The following JARID2 variants were observed in gnomAD, a reference collection of about 807,000 sequenced individuals.
JARID2 encodes the protein jumonji and AT-rich interaction domain containing 2.
In JARID2, 21 loss-of-function variants were observed where a neutral mutation model predicts 125.6. That is an observed-to-expected ratio of 0.17 (90% CI 0.12 to 0.24). The LOEUF is 0.24. JARID2 is among the 10% of genes least tolerant of loss of function. JARID2 has a pLI of 1.00. For missense variants in JARID2, 1,303 were observed against 1,639.6 expected (o/e 0.79, Z 3.55); for synonymous variants, 736 against 661.6 (o/e 1.11, Z -1.73).
At chr6:15,514,304 G>C (rs953889126) in intron 16 of JARID2, among the ~76,000 whole-genome samples, 10 of 152,240 alleles carry the variant, frequency 6.6e-5, no homozygotes, top group African/African-American at 1.4e-4. Context: ...GCCTGGAACA[G>C]AGAGCATGCC....
chr6:15,466,763 G>GA lies in JARID2; in HGVS notation c.494-1778dup, dbSNP rs538343458. Among the ~76,000 whole-genome samples, 971 of 152,242 alleles carry GA rather than the reference G, an allele frequency of 6.4e-3. 14 individuals carry two copies. The highest frequency in any genetic ancestry group is 0.022 in the African/African-American group (914 of 41,520). On this transcript the variant is annotated intron_variant, in intron 4 of 17. Transcript: ENST00000341776. The stretch of plus-strand genomic sequence containing the variant: ...TACCAATTGTAAAACCATTTAGATT[G>GA]AGTATATATTTTGGTCCAGTGGAAA...
chr6:15,468,894 G>C (rs2127676426), intron 5 of JARID2, among the ~76,000 whole-genome samples, 176 bp downstream of exon 5: 1 of 152,276 alleles, frequency 6.6e-6, no homozygotes, highest in African/African-American at 2.4e-5. Flanking sequence ...AGTCCAGGGT[G>C]TTCTAGGTGA....
At chr6:15,268,951 G>A (rs1469524532) in intron 1 of JARID2, among the ~76,000 whole-genome samples, 2 of 152,182 alleles carry the variant, frequency 1.3e-5, no homozygotes, top group African/African-American at 2.4e-5. Context: ...TTAAAGTCAG[G>A]CGTGTGCGTG....
At chr6:15,414,298 T>C (rs887221503) in intron 3 of JARID2, among the ~76,000 whole-genome samples, 3 of 152,210 alleles carry the variant, frequency 2.0e-5, no homozygotes, top group Non-Finnish European at 4.4e-5. Context: ...TAACATGTTT[T>C]AATTCTTCAG....
intron 1 of JARID2, among the ~76,000 whole-genome samples, chr6:15,367,263 T>A (rs1275694361): frequency 6.6e-6 from 1 of 152,242 alleles, no homozygotes; most frequent in Non-Finnish European, 1.5e-5. Context: ...GTGTTTTCCT[T>A]TAACCCATGC....
At chr6:15,311,854 T>C (rs3954) in intron 1 of JARID2, among the ~76,000 whole-genome samples, 31,128 of 152,000 alleles carry the variant, frequency 0.2, 3,323 homozygotes, top group African/African-American at 0.28. Context: ...CACTTTTAAC[T>C]ACGTGAAACT....
At chr6:15,389,705 C>A (rs989966865) in intron 2 of JARID2, among the ~76,000 whole-genome samples, 1 of 152,222 alleles carries the variant, frequency 6.6e-6, no homozygotes, top group Non-Finnish European at 1.5e-5. Context: ...TTCACTCTGC[C>A]TGAACTCTTT....
rs1771773846 is a variant in JARID2 at position 15,520,301 on chromosome 6, T to A, written c.*50T>A. The A allele has an allele frequency of 7.2e-7, 1 of 1,393,982 alleles. No homozygotes were observed. Among genetic ancestry groups the A allele is most frequent in the African/African-American group, 1.5e-5 (1 of 67,226 alleles). 86.4% of individuals were successfully genotyped at this position (1,393,982 alleles called of 1,614,324 possible). ...TATATATATTTTTTTGTAATTATTA[T>A]ATTCTAGTTTGGAGTACTTGCTGTA... On this transcript the variant is annotated 3_prime_UTR_variant, in exon 18 of 18. Coordinates refer to ENST00000341776, the MANE Select transcript of JARID2 (RefSeq NM_004973.4).
chr6:15,259,237 A>T (rs2127318057), intron 1 of JARID2, among the ~76,000 whole-genome samples: 1 of 152,350 alleles, frequency 6.6e-6, no homozygotes, highest in Non-Finnish European at 1.5e-5. Flanking sequence ...GTGGAACCTA[A>T]CACTTGGTTT....
chr6:15,287,905 T>C (rs769151951), intron 1 of JARID2, among the ~76,000 whole-genome samples: 36 of 152,176 alleles, frequency 2.4e-4, no homozygotes, highest in Non-Finnish European at 2.1e-4. Context: ...CGGGGTGTGG[T>C]GACTGTTTCT....
chr6:15,448,857 A>C (rs893872945), intron 3 of JARID2, among the ~76,000 whole-genome samples: 1 of 152,114 alleles, frequency 6.6e-6, no homozygotes, highest in African/African-American at 2.4e-5. Flanking sequence ...AGCCTTGAGA[A>C]ACCTCTGCAG....
chr6:15,336,697 G>A (rs538112072), intron 1 of JARID2, among the ~76,000 whole-genome samples: 23 of 145,910 alleles, frequency 1.6e-4, no homozygotes, highest in Non-Finnish European at 3.2e-4. Context: ...AGTTCTGTAC[G>A]TTTCATGTTA....
intron 1 of JARID2, among the ~76,000 whole-genome samples, chr6:15,299,453 G>C (rs1761527598): frequency 1.3e-5 from 2 of 152,158 alleles, no homozygotes; most frequent in Admixed American, 1.3e-4. Flanking sequence ...TTGAGTCCCA[G>C]CTTTTCATCA....
Position 15,501,529 on chromosome 6 carries a change from G to T in JARID2, c.2448+120G>T. The T allele has an allele frequency of 3.2e-6, 3 of 940,438 alleles. No homozygotes were observed. In the South Asian group the frequency reaches 5.3e-5, roughly 17 times the overall value. 58.3% of individuals were successfully genotyped at this position (940,438 alleles called of 1,614,324 possible). ...TCTGATTCCCTGGGGTGATGAGGGG[G>T]CGGGCCACTGTGCTGGGTGATAGCG... On this transcript the variant is annotated intron_variant, in intron 8 of 17. Transcript: ENST00000341776.
At chr6:15,286,165 AAAC>A (rs1379249402) in intron 1 of JARID2, among the ~76,000 whole-genome samples, 1 of 152,224 alleles carries the variant, frequency 6.6e-6, no homozygotes, top group African/African-American at 2.4e-5. Context: ...TAACAAGTAC[AAAC>A]AACAGAAATG....
chr6:15,356,131 G>A (rs1412785489), intron 1 of JARID2, among the ~76,000 whole-genome samples: 1 of 152,128 alleles, frequency 6.6e-6, no homozygotes, highest in African/African-American at 2.4e-5. Flanking sequence ...GTTCATCCAC[G>A]CTGCCCCATG....
At chr6:15,454,590 G>C (rs1768070053) in intron 4 of JARID2, among the ~76,000 whole-genome samples, 1 of 151,596 alleles carries the variant, frequency 6.6e-6, no homozygotes, top group South Asian at 2.1e-4. Context: ...CCATCCTTCT[G>C]CCTCAACCTC....
chr6:15,330,439 G>A (rs1002078229), intron 1 of JARID2, among the ~76,000 whole-genome samples: 3 of 152,190 alleles, frequency 2.0e-5, no homozygotes, highest in Admixed American at 6.5e-5. Context: ...CCACATTACC[G>A]GAGGAAGTAT....
Position 15,496,809 on chromosome 6 carries a change from G to A in JARID2, c.1584G>A (p.Ser528=), listed in dbSNP as rs772130503. ...CCTCCTGTGAAAATCGTTCTACCTCGCAACCGGAGTCCGTGCACAAGCCGC... is the reference window on the plus strand; with the variant it reads ...CCTCCTGTGAAAATCGTTCTACCTCACAACCGGAGTCCGTGCACAAGCCGC... ...DSASCENRST[S]QPESVHKPQD... Residue 528 remains serine, a synonymous_variant, in exon 7 of 18, where the codon TCG becomes TCA. Coordinates refer to ENST00000341776, the MANE Select transcript of JARID2 (RefSeq NM_004973.4). 2.5e-6 allele frequency: 4 copies of A among 1,606,356 alleles called. No homozygotes were observed. Among genetic ancestry groups the A allele is most frequent in the African/African-American group, 1.3e-5 (1 of 74,984 alleles).
Sources: gnomAD v4.1 joint callset for allele counts (sites outside exome capture counted in the v4.1 genomes callset) on GRCh38, gnomAD v4.1.1 for gene constraint, MANE v1.5 for transcripts, NCBI Gene and HGNC (gene_info 2026-07-23, HGNC 2026-07-21) for gene names.